Variants in NCK1 observed in about 807,000 individuals in gnomAD.
NCK1 encodes the protein SH2/SH3 adapter protein NCK1.
Under a neutral mutation model 36.6 loss-of-function variants are expected in NCK1, and 19 were observed. That is an observed-to-expected ratio of 0.52 (90% CI 0.36 to 0.76). The LOEUF (loss-of-function observed/expected upper bound fraction) is 0.76, where lower values mean the gene tolerates loss of function less well. NCK1 is among the 30% of genes least tolerant of loss of function. The pLI, the probability that NCK1 is intolerant of heterozygous loss-of-function variation, is 0.00. For synonymous variants in NCK1, 165 were observed against 156.0 expected, an observed-to-expected ratio of 1.06 and a Z score of -0.43; for missense variants, 358 against 445.6, an observed-to-expected ratio of 0.80 and a Z score of 1.77.
chr3:136,930,487 C>G, intron 2 of NCK1: 1 of 1,328,406 alleles, frequency 7.5e-7, no homozygotes, highest in Non-Finnish European at 9.7e-7. Flanking sequence ...TGTTGCAGAA[C>G]AGACGAGGAA....
At chr3:136,901,012 A>G (rs769806256) in intron 1 of NCK1, among the ~76,000 whole-genome samples, 8 of 152,202 alleles carry the variant, frequency 5.3e-5, no homozygotes, top group Non-Finnish European at 1.0e-4. Flanking sequence ...AAAGGGTTTC[A>G]ACTTTTCCCC....
At chr3:136,927,501 G>A (rs1053334200) in intron 1 of NCK1, among the ~76,000 whole-genome samples, 1 of 152,124 alleles carries the variant, frequency 6.6e-6, no homozygotes, top group Non-Finnish European at 1.5e-5. Flanking sequence ...TACTAATAGA[G>A]CAACACCAGT....
At chr3:136,940,808 G>A (rs547604613) in intron 2 of NCK1, among the ~76,000 whole-genome samples, 1 of 152,236 alleles carries the variant, frequency 6.6e-6, no homozygotes, top group African/African-American at 2.4e-5. Flanking sequence ...GCTTCCTAAA[G>A]TGCAGGGATT....
intron 1 of NCK1, among the ~76,000 whole-genome samples, chr3:136,867,263 CTCTT>C (rs1029157814): frequency 2.0e-5 from 3 of 148,422 alleles, no homozygotes; most frequent in African/African-American, 5.0e-5. Context: ...GTCTCTCTCT[CTCTT>C]TCTTTCTTTC....
In NCK1 at chr3:136,946,278, C is replaced by T. The variant is rs1374799102; in HGVS notation, c.922C>T (p.Arg308Cys). ...AGGACATGAAGGGGATTTCCTCATT[C>T]GTGATAGTGAATCTTCGGTAAGTTG... ...ERGHEGDFLI[R>C]DSESSPNDFS... is the part of the protein sequence containing the mutation. Residue 308 changes from arginine (R) to cysteine (C), a missense_variant, in exon 3 of 4, where the codon CGT (arginine) becomes TGT (cysteine). By Grantham distance (180) the Arg-to-Cys change is radical. This residue lies in a region of NCK1 where 207 missense variants were observed against 253.4 expected (regional missense o/e 0.82). Coordinates refer to ENST00000481752, the MANE Select transcript of NCK1 (RefSeq NM_001291999.2). 3 of 1,609,942 alleles carry T rather than the reference C, an allele frequency of 1.9e-6. No homozygotes were observed. Among genetic ancestry groups the T allele is most frequent in the Non-Finnish European group, 2.5e-6 (3 of 1,177,848 alleles).
chr3:136,864,482 C>T (rs1019297513), intron 1 of NCK1, among the ~76,000 whole-genome samples: 44 of 105,980 alleles, frequency 4.2e-4, no homozygotes, highest in African/African-American at 1.3e-3. Context: ...AGCAAGATTC[C>T]GTCACACACA....
At chr3:136,941,964 G>A (rs912156533) in intron 2 of NCK1, among the ~76,000 whole-genome samples, 5 of 151,998 alleles carry the variant, frequency 3.3e-5, no homozygotes, top group African/African-American at 9.7e-5. Flanking sequence ...TCAGCTTCCC[G>A]AGTAGCTGGG....
At chr3:136,918,057 C>T (rs1242534315) in intron 1 of NCK1, among the ~76,000 whole-genome samples, 1 of 152,060 alleles carries the variant, frequency 6.6e-6, no homozygotes, top group Non-Finnish European at 1.5e-5. Context: ...TCAAGGCAGG[C>T]CGTTTGTTTT....
In NCK1 at chr3:136,862,271, C is replaced by G. The variant is rs565573587; in HGVS notation, c.-101C>G. 1 of 152,650 alleles carries G rather than the reference C, an allele frequency of 6.6e-6. No homozygotes were observed. The highest frequency in any genetic ancestry group is 1.5e-5 in the Non-Finnish European group (1 of 68,142). 9.5% of individuals were successfully genotyped at this position (152,650 alleles called of 1,614,324 possible). ...CGGCGGCGGAGCGCAGGCCTCGTGC[C>G]GTTACGGCCATCACGGCGGCCGCAG... On this transcript the variant is annotated 5_prime_UTR_variant, in exon 1 of 4. Transcript: ENST00000481752.
At chr3:136,919,002 G>A (rs988299228) in intron 1 of NCK1, among the ~76,000 whole-genome samples, 6 of 151,916 alleles carry the variant, frequency 3.9e-5, no homozygotes, top group Non-Finnish European at 8.8e-5. Flanking sequence ...ATGATGGTTC[G>A]TCCGTACAAT....
intron 1 of NCK1, among the ~76,000 whole-genome samples, chr3:136,869,041 C>T (rs1000159853): frequency 1.3e-5 from 2 of 151,784 alleles, no homozygotes; most frequent in Admixed American, 1.3e-4. Context: ...AGTTTGAGAC[C>T]AGCCTGGCCG....
At chr3:136,884,602 G>A (rs576076221) in intron 1 of NCK1, among the ~76,000 whole-genome samples, 111 of 152,168 alleles carry the variant, frequency 7.3e-4, no homozygotes, top group African/African-American at 2.0e-3. Flanking sequence ...CACTATGCCC[G>A]GCTAATTTCT....
chr3:136,927,948 C>G, intron 1 of NCK1, 36 bp from the exon 2 acceptor site: 1 of 1,421,448 alleles, frequency 7.0e-7, no homozygotes, highest in South Asian at 1.2e-5. Context: ...AATACTACCT[C>G]AACCTTACAT....
chr3:136,886,246 CT>C (rs919648287), intron 1 of NCK1, among the ~76,000 whole-genome samples: 7 of 148,028 alleles, frequency 4.7e-5, no homozygotes, highest in Admixed American at 1.4e-4. Flanking sequence ...TATAGTTATC[CT>C]TTTTTTTTTC....
chr3:136,945,655 C>G lies in NCK1; in HGVS notation c.299C>G (p.Pro100Arg). 3 of 1,614,018 alleles carry G rather than the reference C, an allele frequency of 1.9e-6. No individual in the cohort carries two copies. The highest frequency in any genetic ancestry group is 2.2e-5 in the South Asian group (2 of 91,068). The change falls in exon 3 of 4, where the codon CCA becomes CGA. Residue 100 changes from proline to arginine, a missense_variant. Transcript: ENST00000481752. The part of the protein sequence containing the change: ...ASPADDSFVD[P>R]GERLYDLNMP... The stretch of plus-strand genomic sequence containing the variant: ...CCTGCTGATGATAGTTTTGTTGACC[C>G]AGGGGAACGTCTCTATGACCTCAAC...
chr3:136,872,489 C>T (rs544985110), intron 1 of NCK1, among the ~76,000 whole-genome samples: 1 of 152,292 alleles, frequency 6.6e-6, no homozygotes, highest in South Asian at 2.1e-4. Context: ...GGAAAATTTG[C>T]AGCTTGACAG....
rs375909988 is a variant in NCK1 at position 136,914,162 on chromosome 3, T to G, written c.-18-13822T>G. 3.9e-5 allele frequency among the ~76,000 whole-genome samples: 6 copies of G among 152,328 alleles called. No homozygotes were observed. The South Asian group carries it at 1.2e-3, about 32-fold the overall frequency. Reference sequence around the variant, plus strand: ...GGGAGGTGAAACAATAGCTGCCTGCTTCTGTGTCTGTATCTCAGTGATCAG... The same window carrying G: ...GGGAGGTGAAACAATAGCTGCCTGCGTCTGTGTCTGTATCTCAGTGATCAG... On this transcript the variant is annotated intron_variant, in intron 1 of 3. Coordinates refer to ENST00000481752, the MANE Select transcript of NCK1 (RefSeq NM_001291999.2).
chr3:136,870,745 G>A (rs960070592), intron 1 of NCK1, among the ~76,000 whole-genome samples: 3 of 142,000 alleles, frequency 2.1e-5, no homozygotes, highest in Non-Finnish European at 3.0e-5. Flanking sequence ...TTTTGTCTAC[G>A]TCTCACTTCA....
rs1323822982 is a variant in NCK1, at chr3:136,950,374, G to C, written c.*1921G>C. ...AGCAGACTTTTGAGAAAGTAGGAGT[G>C]TAGTAGCACTGGAAACAGAATGCAA... On this transcript the variant is annotated 3_prime_UTR_variant, in exon 4 of 4. Transcript: ENST00000481752. Among the ~76,000 whole-genome samples the C allele has an allele frequency of 1.3e-5, 2 of 152,140 alleles. No homozygotes were observed. Among genetic ancestry groups the C allele is most frequent in the Non-Finnish European group, 2.9e-5 (2 of 67,978 alleles).
Sources: gnomAD v4.1 joint callset for allele counts (sites outside exome capture counted in the v4.1 genomes callset) on GRCh38, gnomAD v4.1.1 for gene constraint, gnomAD v4.1.1 regional missense constraint, MANE v1.5 for transcripts, NCBI Gene and HGNC (gene_info 2026-07-23, HGNC 2026-07-21) for gene names.